The following HMBOX1 variants were observed in gnomAD, a reference collection of about 807,000 sequenced individuals.
HMBOX1 encodes the protein homeobox-containing protein 1.
A neutral mutation model predicts 54.5 loss-of-function variants in HMBOX1; 14 were observed. That is an observed-to-expected ratio of 0.26 (90% CI 0.17 to 0.40). The LOEUF is 0.40. Ranked by LOEUF, HMBOX1 falls within the 10% of genes least tolerant of loss-of-function variation. The pLI, the probability that HMBOX1 is intolerant of heterozygous loss-of-function variation, is 1.00. For synonymous variants in HMBOX1, 160 were observed against 181.0 expected, an observed-to-expected ratio of 0.88 and a Z score of 0.93; for missense variants, 332 against 514.4, an observed-to-expected ratio of 0.65 and a Z score of 3.43.
intron 1 of HMBOX1, among the ~76,000 whole-genome samples, chr8:28,895,213 G>A (rs1021932878): frequency 1.3e-5 from 2 of 152,180 alleles, no homozygotes; most frequent in African/African-American, 2.4e-5. Context: ...GTGGTGTATT[G>A]AAAATATTAG....
chr8:28,906,740 C>T (rs1479254645), intron 1 of HMBOX1, among the ~76,000 whole-genome samples: 2 of 152,178 alleles, frequency 1.3e-5, no homozygotes, highest in African/African-American at 4.8e-5. Flanking sequence ...TAGGCGTTAG[C>T]CACCACACCC....
chr8:28,993,142 C>A (rs550689040), intron 4 of HMBOX1, among the ~76,000 whole-genome samples: 15 of 151,984 alleles, frequency 9.9e-5, no homozygotes, highest in Non-Finnish European at 1.9e-4. Context: ...CTTCTAGATA[C>A]ATAAATTTCA....
chr8:28,919,035 C>CAG (rs1455924116), intron 1 of HMBOX1, among the ~76,000 whole-genome samples: 2 of 152,110 alleles, frequency 1.3e-5, no homozygotes, highest in South Asian at 2.1e-4. Flanking sequence ...TTGAGGAAAA[C>CAG]AGAGAGGAAA....
At chr8:28,943,004 C>G (rs1021836377) in intron 1 of HMBOX1, among the ~76,000 whole-genome samples, 2 of 152,180 alleles carry the variant, frequency 1.3e-5, no homozygotes, top group African/African-American at 4.8e-5. Flanking sequence ...AGCTTCTACT[C>G]TAGACTCCTG....
intron 1 of HMBOX1, among the ~76,000 whole-genome samples, chr8:28,921,512 A>G (rs1052447668): frequency 6.6e-6 from 1 of 152,258 alleles, no homozygotes; most frequent in South Asian, 2.1e-4. Context: ...AAAATAGGCA[A>G]GAATGAATAC....
chr8:28,945,560 T>C (rs1822280165), intron 1 of HMBOX1, among the ~76,000 whole-genome samples: 1 of 152,214 alleles, frequency 6.6e-6, no homozygotes, highest in Non-Finnish European at 1.5e-5. Flanking sequence ...GGAGAGAAGG[T>C]TATAAATAAA....
chr8:28,925,878 C>T (rs1194248784), intron 1 of HMBOX1, among the ~76,000 whole-genome samples: 1 of 152,148 alleles, frequency 6.6e-6, no homozygotes, highest in East Asian at 1.9e-4. Context: ...TACTTTTAGA[C>T]ACTTGTGATA....
intron 3 of HMBOX1, among the ~76,000 whole-genome samples, chr8:28,976,059 G>T (rs79033169): frequency 0.02 from 3,102 of 152,208 alleles, 56 homozygotes; most frequent in Non-Finnish European, 0.032. Flanking sequence ...AATGAAAATA[G>T]AATGCATTTA....
intron 6 of HMBOX1, among the ~76,000 whole-genome samples, chr8:29,041,688 G>C (rs947771554): frequency 3.3e-5 from 5 of 152,106 alleles, no homozygotes; most frequent in African/African-American, 9.7e-5. Context: ...ACTGCGGGGT[G>C]GGGGAGGCAA....
chr8:28,895,911 A>G (rs947548873), intron 1 of HMBOX1, among the ~76,000 whole-genome samples: 2 of 152,078 alleles, frequency 1.3e-5, no homozygotes, highest in African/African-American at 4.8e-5. Context: ...AATTTTTTTC[A>G]TTAGTCATTC....
intron 1 of HMBOX1, among the ~76,000 whole-genome samples, chr8:28,904,212 A>G (rs190590295): frequency 5.8e-4 from 87 of 150,464 alleles, no homozygotes; most frequent in African/African-American, 2.1e-3. Flanking sequence ...TTTGTAATCT[A>G]TGAGTCAAAT....
chr8:28,966,873 C>G (rs1169353619), intron 2 of HMBOX1, among the ~76,000 whole-genome samples: 1 of 152,174 alleles, frequency 6.6e-6, no homozygotes, highest in Non-Finnish European at 1.5e-5. Flanking sequence ...GTGCAGGGCA[C>G]AGACATCTAA....
chr8:28,936,606 C>A (rs1820439666), intron 1 of HMBOX1, among the ~76,000 whole-genome samples: 2 of 151,914 alleles, frequency 1.3e-5, no homozygotes, highest in Admixed American at 1.3e-4. Flanking sequence ...TTTGAGCTAA[C>A]ATGAGAATGA....
intron 1 of HMBOX1, among the ~76,000 whole-genome samples, chr8:28,908,827 C>T (rs1389188960): frequency 6.6e-6 from 1 of 152,052 alleles, no homozygotes; most frequent in Non-Finnish European, 1.5e-5. Flanking sequence ...GGTGAGGTGG[C>T]TCCTCCCTGT....
intron 3 of HMBOX1, among the ~76,000 whole-genome samples, chr8:28,972,831 C>T (rs1290090737): frequency 3.3e-5 from 5 of 152,110 alleles, no homozygotes; most frequent in Non-Finnish European, 5.9e-5. Context: ...AAATGAAAAC[C>T]TATTTAGCAG....
At chr8:28,982,844 G>A (rs550567744) in intron 4 of HMBOX1, among the ~76,000 whole-genome samples, 17 of 152,108 alleles carry the variant, frequency 1.1e-4, no homozygotes, top group Non-Finnish European at 2.2e-4. Flanking sequence ...GGCTGGTGTC[G>A]AACTCCTGAG....
At chr8:28,981,617 G>A (rs906949727) in intron 4 of HMBOX1, among the ~76,000 whole-genome samples, 5 of 151,576 alleles carry the variant, frequency 3.3e-5, no homozygotes, top group African/African-American at 4.9e-5. Flanking sequence ...GCATTGCAAC[G>A]CTGATTTTTT....
chr8:28,931,590 G>A (rs1819474972), intron 1 of HMBOX1, among the ~76,000 whole-genome samples: 1 of 152,052 alleles, frequency 6.6e-6, no homozygotes, highest in East Asian at 1.9e-4. Flanking sequence ...CACTCAGGCT[G>A]GCGTGCAGTG....
chr8:29,032,090 A>G (rs1803066656), intron 6 of HMBOX1, among the ~76,000 whole-genome samples: 2 of 152,218 alleles, frequency 1.3e-5, no homozygotes, highest in African/African-American at 2.4e-5. Flanking sequence ...ATGACCTTAC[A>G]TTGCGACATT....
Sources: gnomAD v4.1 joint callset for allele counts (sites outside exome capture counted in the v4.1 genomes callset) on GRCh38, gnomAD v4.1.1 for gene constraint, MANE v1.5 for transcripts, NCBI Gene and HGNC (gene_info 2026-07-23, HGNC 2026-07-21) for gene names.